DPY19L1: variants seen among roughly 807,000 people sequenced by gnomAD.
DPY19L1 encodes protein C-mannosyl-transferase DPY19L1.
A neutral mutation model predicts 96.9 loss-of-function variants in DPY19L1; 35 were observed. That is an observed-to-expected ratio of 0.36 (90% confidence interval 0.28 to 0.48). The LOEUF (loss-of-function observed/expected upper bound fraction) is 0.48, where lower values mean the gene tolerates loss of function less well. Among genes scored for constraint, DPY19L1 ranks in the 20% least tolerant of loss-of-function variants. The probability of loss-of-function intolerance (pLI) is 0.99; values close to 1 mark genes in which losing one functional copy is unlikely to be tolerated. For synonymous variants in DPY19L1, 205 were observed against 252.6 expected (o/e 0.81, Z 1.79); for missense variants, 521 against 777.9 (o/e 0.67, Z 3.93).
At chr7:34,939,077 T>A (rs547845646) in intron 20 of DPY19L1, 199 bp downstream of exon 20, 33 of 465,474 alleles carry the variant, frequency 7.1e-5, no homozygotes, top group African/African-American at 5.4e-4. Flanking sequence ...CCCCCAAAGT[T>A]GTCACTTTCC....
rs1162903571 is a variant in DPY19L1, at chr7:34,989,741, A to C, written c.822+143T>G. ...CATAAGAAGTACAATGGTCATGAAAAGTTAACTCAAATGAATGCTAGTGTT... is the reference window on the plus strand; with the variant it reads ...CATAAGAAGTACAATGGTCATGAAACGTTAACTCAAATGAATGCTAGTGTT... On this transcript the variant is annotated intron_variant, in intron 7 of 21. Transcript: ENST00000638088. 3 of 662,942 alleles carry C rather than the reference A, an allele frequency of 4.5e-6. No individual in the cohort carries two copies. The African/African-American group carries it at 5.6e-5, about 12-fold the overall frequency. The allele number at this position is 662,942 out of a possible 1,614,324, so 41.1% of individuals were successfully genotyped here.
At chr7:34,957,317 G>A (rs896518494) in intron 11 of DPY19L1, among the ~76,000 whole-genome samples, 1 of 152,130 alleles carries the variant, frequency 6.6e-6, no homozygotes, top group African/African-American at 2.4e-5. Context: ...GGGAGGCGGA[G>A]TGAGCCAAGA....
At position 34,930,214 on chromosome 7, in the gene DPY19L1, C is replaced by G. The variant is rs1783724994; in HGVS notation, c.*1359G>C. 1 of 152,210 alleles carries G rather than the reference C, an allele frequency of 6.6e-6. No homozygotes were observed. The highest frequency in any genetic ancestry group is 1.5e-5 in the Non-Finnish European group (1 of 68,038). 9.4% of individuals were successfully genotyped at this position (152,210 alleles called of 1,614,324 possible). A position where few individuals can be genotyped will look rare whatever the true frequency, so the allele number is the denominator to read the frequency against. On this transcript the variant is annotated 3_prime_UTR_variant, in exon 22 of 22. Transcript: ENST00000638088. ...GTGTAGTCTGTCAGCCATAGTCACG[C>G]TTTGCTTAGAATTTAAAACCCTAAA...
chr7:34,952,414 A>G (rs952458771), intron 13 of DPY19L1, among the ~76,000 whole-genome samples: 4 of 152,198 alleles, frequency 2.6e-5, no homozygotes, highest in African/African-American at 7.2e-5. Flanking sequence ...CTACCCATAA[A>G]GAAAGCTCCA....
intron 10 of DPY19L1, among the ~76,000 whole-genome samples, chr7:34,961,220 G>A (rs1206629632): frequency 6.6e-6 from 1 of 152,144 alleles, no homozygotes; most frequent in East Asian, 1.9e-4. Context: ...CAAAGTCAGA[G>A]GACTGACACT....
intron 7 of DPY19L1, among the ~76,000 whole-genome samples, chr7:34,979,131 C>CA (rs1391654801): frequency 1.3e-5 from 2 of 152,088 alleles, no homozygotes; most frequent in Non-Finnish European, 2.9e-5. Flanking sequence ...TCCAAATTTA[C>CA]AAAAAACCTT....
At chr7:35,001,467 G>A (rs1165832014) in intron 6 of DPY19L1, among the ~76,000 whole-genome samples, 1 of 152,120 alleles carries the variant, frequency 6.6e-6, no homozygotes, top group African/African-American at 2.4e-5. Flanking sequence ...AGAAGACAGA[G>A]TCTCTTAAAC....
In DPY19L1 at chr7:34,960,774, C is replaced by T. The variant is rs564028529; in HGVS notation, c.1093-2704G>A. On this transcript the variant is annotated intron_variant, in intron 10 of 21. Transcript: ENST00000638088. ...GTATCTTAAATTTCAATGAAATATCCGTCTATTTTTACTTGATTATGGTCT... is the reference window on the plus strand; with the variant it reads ...GTATCTTAAATTTCAATGAAATATCTGTCTATTTTTACTTGATTATGGTCT... 8.5e-4 allele frequency among the ~76,000 whole-genome samples: 129 copies of T among 152,032 alleles called. 2 individuals are homozygous for T. Among genetic ancestry groups the T allele is most frequent in the Middle Eastern group, 3.4e-3 (1 of 294 alleles).
At chr7:35,029,106 A>G (rs1786199510) in intron 1 of DPY19L1, among the ~76,000 whole-genome samples, 1 of 152,094 alleles carries the variant, frequency 6.6e-6, no homozygotes, top group Non-Finnish European at 1.5e-5. Context: ...AGGATGCCTA[A>G]CCTTCTGGTA....
At chr7:34,959,191 C>T (rs1369246272) in intron 10 of DPY19L1, among the ~76,000 whole-genome samples, 6 of 152,012 alleles carry the variant, frequency 3.9e-5, no homozygotes, top group Admixed American at 1.3e-4. Context: ...GTTAGAATGG[C>T]GATCATTAAA....
intron 1 of DPY19L1, among the ~76,000 whole-genome samples, chr7:35,024,457 T>C (rs1221263796): frequency 3.3e-5 from 5 of 152,196 alleles, no homozygotes; most frequent in Admixed American, 6.5e-5. Context: ...TCATCAGTAT[T>C]GGTTTCCCTG....
Position 34,929,927 on chromosome 7 carries a change from G to A in DPY19L1, c.*1646C>T, listed in dbSNP as rs926895080. On this transcript the variant is annotated 3_prime_UTR_variant, in exon 22 of 22. Transcript: ENST00000638088. ...CAGGGAAGGAGCATCCCTGGGAGCT[G>A]CGGCTCTAGGCGCTGGCACAAGACT... The A allele has an allele frequency of 2.6e-5, 4 of 152,276 alleles. No individual in the cohort carries two copies. The highest frequency in any genetic ancestry group is 9.6e-5 in the African/African-American group (4 of 41,462). 9.4% of individuals were successfully genotyped at this position (152,276 alleles called of 1,614,324 possible). A position where few individuals can be genotyped will look rare whatever the true frequency, so the allele number is the denominator to read the frequency against.
In DPY19L1 at chr7:35,013,667, T is replaced by C. The variant is rs1369764077; in HGVS notation, c.450A>G (p.Ala150=). The change falls in exon 4 of 22, where the codon GCA becomes GCG. Residue 150 remains alanine (A), a synonymous_variant. Coordinates refer to ENST00000638088, the MANE Select transcript of DPY19L1 (RefSeq NM_001366673.1). ...TCCATACTCCATTCAAAAATGAGGG[T>C]GCTTCCACAATAGTCTTGAAATAGG... is the stretch of plus-strand genomic sequence containing the variant. The part of the protein sequence containing the change: ...YYSYFKTIVE[A]PSFLNGVWMI... 1 of 1,605,218 alleles carries C rather than the reference T, an allele frequency of 6.2e-7. No homozygotes were observed. Among genetic ancestry groups the C allele is most frequent in the African/African-American group, 1.3e-5 (1 of 74,746 alleles).
At chr7:35,037,896 T>C (rs530965132), upstream of DPY19L1, 17 of 1,235,174 alleles carry the variant, frequency 1.4e-5, no homozygotes, top group South Asian at 8.3e-5. Context: ...CGCCCTTCCA[T>C]TGTGGGAGTG....
chr7:34,930,184 T>G lies in DPY19L1; in HGVS notation c.*1389A>C, dbSNP rs1287687840. Reference sequence around the variant, plus strand: ...GGTTAAGAAAGAGAAGCTGTATAATTAAATGTGTAGTCTGTCAGCCATAGT... The same window carrying G: ...GGTTAAGAAAGAGAAGCTGTATAATGAAATGTGTAGTCTGTCAGCCATAGT... On this transcript the variant is annotated 3_prime_UTR_variant, in exon 22 of 22. Transcript: ENST00000638088. 1 of 152,212 alleles carries G rather than the reference T, an allele frequency of 6.6e-6. No homozygotes were observed. The highest frequency in any genetic ancestry group is 2.4e-5 in the African/African-American group (1 of 41,446). 9.4% of individuals were successfully genotyped at this position (152,212 alleles called of 1,614,324 possible). A position where few individuals can be genotyped will look rare whatever the true frequency, so the allele number is the denominator to read the frequency against.
At chr7:35,014,592 C>T (rs17793569) in intron 3 of DPY19L1, among the ~76,000 whole-genome samples, 29,810 of 151,978 alleles carry the variant, frequency 0.2, 3,295 homozygotes, top group Admixed American at 0.35. Flanking sequence ...AAGAGATATG[C>T]CTATCCAGAA....
At chr7:35,024,051 T>C (rs1786063812) in intron 1 of DPY19L1, among the ~76,000 whole-genome samples, 1 of 152,100 alleles carries the variant, frequency 6.6e-6, no homozygotes, top group South Asian at 2.1e-4. Flanking sequence ...CTAACCAGGA[T>C]GGTATCGATC....
At chr7:34,989,985 C>G in intron 6 of DPY19L1, 44 bp from the exon 7 acceptor site, 1 of 1,549,768 alleles carries the variant, frequency 6.5e-7, no homozygotes, top group Non-Finnish European at 8.8e-7. Flanking sequence ...AAATTCAGGT[C>G]AATCCTAAGA....
Position 35,013,622 on chromosome 7 carries a change from C to T in DPY19L1, c.495G>A (p.Leu165=), listed in dbSNP as rs771733305. The T allele has an allele frequency of 2.5e-6, 4 of 1,609,184 alleles. No homozygotes were observed. The highest frequency in any genetic ancestry group is 3.4e-6 in the Non-Finnish European group (4 of 1,176,584). Residue 165 remains leucine (L), a synonymous_variant, in exon 4 of 22, where the codon CTG becomes CTA. Transcript: ENST00000638088. ...TATTAATGACAAGGGGGTATTCAGT[C>T]AGTTTATCATTCATAATCATCCATA... ...NGVWMIMNDK[L]TEYPLVINTL...
Sources: allele counts gnomAD v4.1 joint callset (sites outside exome capture counted in the v4.1 genomes callset), GRCh38; gene constraint gnomAD v4.1.1; transcripts MANE v1.5; gene names NCBI Gene and HGNC (gene_info 2026-07-23, HGNC 2026-07-21).